Variants in ABL1 observed in about 807,000 individuals in gnomAD.
The protein encoded by ABL1 is tyrosine-protein kinase ABL1.
In ABL1, 11 loss-of-function variants were observed where a neutral mutation model predicts 94.7. The observed-to-expected ratio is 0.12, with a 90% CI of 0.07 to 0.19. The LOEUF (loss-of-function observed/expected upper bound fraction) is 0.19, where lower values mean the gene tolerates loss of function less well. ABL1 is among the 10% of genes least tolerant of loss of function. The pLI is 1.00. For synonymous variants in ABL1, 656 were observed against 622.4 expected (o/e 1.05, Z -0.80); for missense variants, 1,082 against 1,489.4 (o/e 0.73, Z 4.50).
At chr9:130,720,419 G>A (rs1831500464) in intron 1 of ABL1, among the ~76,000 whole-genome samples, 1 of 152,148 alleles carries the variant, frequency 6.6e-6, no homozygotes, top group Non-Finnish European at 1.5e-5. Context: ...AAGAATTTCA[G>A]GCCGAGGGAA....
At chr9:130,851,532 C>T (rs1364705138) in intron 1 of ABL1, among the ~76,000 whole-genome samples, 4 of 151,622 alleles carry the variant, frequency 2.6e-5, no homozygotes, top group Non-Finnish European at 5.9e-5. Context: ...GGTCATGTTT[C>T]CGGAAGTTTG....
chr9:130,887,510 G>C lies in ABL1; in HGVS notation c.*1827G>C. 1 of 233,216 alleles carries C rather than the reference G, an allele frequency of 4.3e-6. No individual in the cohort carries two copies. The highest frequency in any genetic ancestry group is 8.5e-6 in the Non-Finnish European group (1 of 117,920). 14.4% of individuals were successfully genotyped at this position (233,216 alleles called of 1,614,324 possible). On this transcript the variant is annotated 3_prime_UTR_variant, in exon 11 of 11. Transcript: ENST00000318560. ...TTATAGACGCTCTTTTCTAAGTGGC[G>C]TGTGCATAGCGTCCTGCCCTGCCCC...
intron 1 of ABL1, among the ~76,000 whole-genome samples, chr9:130,765,895 C>T (rs1832176723): frequency 6.6e-6 from 1 of 152,128 alleles, no homozygotes; most frequent in Non-Finnish European, 1.5e-5. Flanking sequence ...TCTGTGGTGG[C>T]TTGGTGGAAA....
chr9:130,794,110 C>T (rs1249951195), intron 1 of ABL1, among the ~76,000 whole-genome samples: 1 of 152,036 alleles, frequency 6.6e-6, no homozygotes, highest in Non-Finnish European at 1.5e-5. Context: ...ATGTAATGCA[C>T]TTGAATCATC....
intron 1 of ABL1, among the ~76,000 whole-genome samples, chr9:130,836,296 A>T (rs944083499): frequency 6.6e-6 from 1 of 152,078 alleles, no homozygotes; most frequent in Non-Finnish European, 1.5e-5. Flanking sequence ...CTCCTTCTCT[A>T]ATTACATCTG....
rs768804405 is a variant in ABL1 at position 130,714,468 on chromosome 9, C to T, written c.136+13C>T. The T allele has an allele frequency of 8.7e-6, 14 of 1,614,024 alleles. No homozygotes were observed. In the Admixed American group the frequency reaches 2.0e-4, roughly 23 times the overall value. ...TTTGTGGAACATGGTGAGTGCTTTT[C>T]AAAATTTCTGCTCATGGTTTTCCTC... On this transcript the variant is annotated intron_variant, in intron 1 of 10. Transcript: ENST00000372348.
At chr9:130,776,934 G>A (rs1829666183) in intron 1 of ABL1, among the ~76,000 whole-genome samples, 2 of 151,946 alleles carry the variant, frequency 1.3e-5, no homozygotes, top group Non-Finnish European at 2.9e-5. Context: ...CTAGATCTTT[G>A]TCTTTTTTTC....
intron 4 of ABL1, among the ~76,000 whole-genome samples, chr9:130,871,782 G>A (rs1259882721): frequency 6.6e-6 from 1 of 152,226 alleles, no homozygotes; most frequent in Admixed American, 6.5e-5. Context: ...TCACGTTTGT[G>A]GTGTTTGCCC....
intron 1 of ABL1, among the ~76,000 whole-genome samples, chr9:130,724,321 C>G (rs2132680135): frequency 6.6e-6 from 1 of 152,230 alleles, no homozygotes; most frequent in African/African-American, 2.4e-5. Context: ...ATTAAATGGA[C>G]TAAATGAGAA....
intron 1 of ABL1, among the ~76,000 whole-genome samples, chr9:130,843,349 G>A (rs533391029): frequency 1.3e-5 from 2 of 152,348 alleles, no homozygotes; most frequent in South Asian, 4.1e-4. Flanking sequence ...AGGTGCCACA[G>A]TTGGCATCCA....
At position 130,798,271 on chromosome 9, in the gene ABL1, A is replaced by G. The variant is rs561839948; in HGVS notation, c.137-55793A>G. The stretch of plus-strand genomic sequence containing the variant: ...GAAACATTCTACCCCACACTCATAC[A>G]TGAAAGTGAAGGCTCTGCTTCTCAG... On this transcript the variant is annotated intron_variant, in intron 1 of 10. Transcript: ENST00000372348. Among the ~76,000 whole-genome samples the G allele has an allele frequency of 5.3e-5, 8 of 152,288 alleles. No homozygotes were observed. In the East Asian group the frequency reaches 9.7e-4, roughly 18 times the overall value.
At chr9:130,722,642 A>G (rs1005290861) in intron 1 of ABL1, among the ~76,000 whole-genome samples, 3 of 152,240 alleles carry the variant, frequency 2.0e-5, no homozygotes, top group East Asian at 1.9e-4. Flanking sequence ...CAGGTGAGCC[A>G]TTGCACCTGG....
chr9:130,776,735 T>A (rs1829663779), intron 1 of ABL1, among the ~76,000 whole-genome samples: 1 of 152,042 alleles, frequency 6.6e-6, no homozygotes, highest in African/African-American at 2.4e-5. Context: ...AGGGAGGTGC[T>A]GCTTAGAGGG....
intron 1 of ABL1, among the ~76,000 whole-genome samples, chr9:130,775,473 T>A (rs1439760521): frequency 2.6e-5 from 4 of 152,080 alleles, no homozygotes; most frequent in Admixed American, 2.6e-4. Context: ...AAAACTACGA[T>A]CAGTGAAATT....
chr9:130,724,113 T>C lies in ABL1; in HGVS notation c.136+9658T>C, dbSNP rs78356695. Among the ~76,000 whole-genome samples, 133 of 152,180 alleles carry C rather than the reference T, an allele frequency of 8.7e-4. 1 individual carries two copies. In the East Asian group the frequency reaches 0.024, roughly 28 times the overall value. On this transcript the variant is annotated intron_variant, in intron 1 of 10. Transcript: ENST00000372348. Reference sequence around the variant, plus strand: ...GCGTGAGCCACCATGCGTGGCCTTTTAAAAAAATTTTTAAGAGATAAGGTC... The same window carrying C: ...GCGTGAGCCACCATGCGTGGCCTTTCAAAAAAATTTTTAAGAGATAAGGTC...
At chr9:130,719,046 A>G (rs966293989) in intron 1 of ABL1, among the ~76,000 whole-genome samples, 5 of 152,176 alleles carry the variant, frequency 3.3e-5, no homozygotes, top group Non-Finnish European at 4.4e-5. Flanking sequence ...TGTAAAACAA[A>G]AATATCTGTT....
rs139544549 is a variant in ABL1 at position 130,728,062 on chromosome 9, T to C, written c.136+13607T>C. Among the ~76,000 whole-genome samples, 1,209 of 151,984 alleles carry C rather than the reference T, an allele frequency of 8.0e-3. 15 individuals carry two copies. Among genetic ancestry groups the C allele is most frequent in the African/African-American group, 0.027 (1,125 of 41,416 alleles). ...ATAAATACTCTCAGTTTTTGCCTCTTTTTTTGTTTGTTTGTTTTTTGGAGA... is the reference window on the plus strand; with the variant it reads ...ATAAATACTCTCAGTTTTTGCCTCTCTTTTTGTTTGTTTGTTTTTTGGAGA... On this transcript the variant is annotated intron_variant, in intron 1 of 10. Transcript: ENST00000372348.
chr9:130,827,116 G>T (rs1018588257), intron 1 of ABL1, among the ~76,000 whole-genome samples: 8 of 152,140 alleles, frequency 5.3e-5, no homozygotes, highest in Non-Finnish European at 1.5e-5. Context: ...TAGAGGCTCT[G>T]CACTCAGGAG....
intron 3 of ABL1, among the ~76,000 whole-genome samples, chr9:130,857,291 C>T (rs1830989532): frequency 6.6e-6 from 1 of 152,188 alleles, no homozygotes; most frequent in Admixed American, 6.5e-5. Flanking sequence ...TTTGTTCTCC[C>T]ACAAACAATC....
Sources: gnomAD v4.1 joint callset for allele counts (sites outside exome capture counted in the v4.1 genomes callset) on GRCh38, gnomAD v4.1.1 for gene constraint, MANE v1.5 for transcripts, NCBI Gene and HGNC (gene_info 2026-07-23, HGNC 2026-07-21) for gene names.